The following SCN8A variants were observed in gnomAD, a reference collection of about 807,000 sequenced individuals.
SCN8A encodes sodium channel protein type 8 subunit alpha.
Under a neutral mutation model 184.1 loss-of-function variants are expected in SCN8A, and 30 were observed. That is an observed-to-expected ratio of 0.16 (90% CI 0.12 to 0.22). SCN8A has a LOEUF of 0.22. Ranked by LOEUF, SCN8A falls within the 10% of genes least tolerant of loss-of-function variation. SCN8A has a pLI of 1.00. For missense variants in SCN8A, 1,057 were observed against 2,498.9 expected, an observed-to-expected ratio of 0.42 and a Z score of 12.30; for synonymous variants, 852 against 907.0, an observed-to-expected ratio of 0.94 and a Z score of 1.09.
intron 21 of SCN8A, among the ~76,000 whole-genome samples, chr12:51,782,076 A>T (rs188575325): frequency 1.3e-5 from 2 of 152,308 alleles, no homozygotes; most frequent in Admixed American, 1.3e-4. Flanking sequence ...TTTGCAACAA[A>T]TTCATGTTTC....
At chr12:51,605,798 A>G (rs922341714) in intron 1 of SCN8A, among the ~76,000 whole-genome samples, 1 of 152,146 alleles carries the variant, frequency 6.6e-6, no homozygotes, top group Non-Finnish European at 1.5e-5. Context: ...TTTCAGGAGT[A>G]AGGTGGTATT....
intron 1 of SCN8A, among the ~76,000 whole-genome samples, chr12:51,647,864 G>T (rs1411347105): frequency 1.3e-5 from 2 of 152,152 alleles, no homozygotes; most frequent in Non-Finnish European, 2.9e-5. Flanking sequence ...CTTCCTCCCA[G>T]TGCAGAGCTG....
rs1454842078 is a variant in SCN8A at position 51,713,134 on chromosome 12, A to G, written c.1635+6419A>G. 69 of 1,208,060 alleles carry G rather than the reference A, an allele frequency of 5.7e-5. 1 individual carries two copies. Among genetic ancestry groups the G allele is most frequent in the Admixed American group, 5.2e-4 (31 of 59,516 alleles). The allele number at this position is 1,208,060 out of a possible 1,614,324, so 74.8% of individuals were successfully genotyped here. On this transcript the variant is annotated intron_variant, in intron 11 of 26. Transcript: ENST00000627620. Reference sequence around the variant, plus strand: ...CTTTTTTCCACTCTGCCTCTCTTGCATAACTTCTATGGTTTCAATCTTGCC... The same window carrying G: ...CTTTTTTCCACTCTGCCTCTCTTGCGTAACTTCTATGGTTTCAATCTTGCC...
rs172559 is a variant in SCN8A, at chr12:51,810,462, T to C, written c.*3033T>C. On this transcript the variant is annotated 3_prime_UTR_variant, in exon 27 of 27. Coordinates refer to ENST00000627620, the MANE Select transcript of SCN8A (RefSeq NM_001330260.2). The stretch of plus-strand genomic sequence containing the variant: ...TCTTCGCTGAGTGGGTAAGTGGCAA[T>C]GCTTTGCCAAATATTAACGAAGCCA... 380,879 of 448,856 alleles carry C rather than the reference T, an allele frequency of 0.85. 162,886 individuals carry two copies. The highest frequency in any genetic ancestry group is 0.98 in the East Asian group (13,366 of 13,672). The allele number at this position is 448,856 out of a possible 1,614,324, so 27.8% of individuals were successfully genotyped here. A position where few individuals can be genotyped will look rare whatever the true frequency, so the allele number is the denominator to read the frequency against.
At chr12:51,727,798 A>G (rs774141738) in intron 12 of SCN8A, among the ~76,000 whole-genome samples, 4 of 152,146 alleles carry the variant, frequency 2.6e-5, no homozygotes, top group Non-Finnish European at 5.9e-5. Flanking sequence ...CCCTGTCTCT[A>G]CTAAAATACA....
chr12:51,766,860 C>T (rs1016482432), intron 16 of SCN8A, among the ~76,000 whole-genome samples: 3 of 152,164 alleles, frequency 2.0e-5, no homozygotes, highest in African/African-American at 4.8e-5. Context: ...CAAAAGTACA[C>T]TAAAGTTTGA....
At position 51,606,912 on chromosome 12, in the gene SCN8A, T is replaced by A. The variant is rs1401096825; in HGVS notation, c.-55+15553T>A. Among the ~76,000 whole-genome samples the A allele has an allele frequency of 2.0e-5, 3 of 151,814 alleles. No homozygotes were observed. The East Asian group carries it at 5.8e-4, about 29-fold the overall frequency. ...TATATATTTATTTATTTATTTTTTT[T>A]TTTGAGACAGAGTCTTGCTCTGTCG... On this transcript the variant is annotated intron_variant, in intron 1 of 26. Coordinates refer to ENST00000627620, the MANE Select transcript of SCN8A (RefSeq NM_001330260.2).
At chr12:51,689,253 C>A in intron 6 of SCN8A, 157 bp downstream of exon 6, 1 of 639,986 alleles carries the variant, frequency 1.6e-6, no homozygotes, top group Non-Finnish European at 2.7e-6. Context: ...GCCGTTGGGT[C>A]CTCAGGCAGT....
chr12:51,657,624 A>G (rs947933236), intron 1 of SCN8A, among the ~76,000 whole-genome samples: 1 of 151,962 alleles, frequency 6.6e-6, no homozygotes, highest in African/African-American at 2.4e-5. Context: ...GAAGCTTTTT[A>G]GTTTGATATA....
chr12:51,782,849 C>A (rs1937965676), intron 21 of SCN8A, among the ~76,000 whole-genome samples: 1 of 152,198 alleles, frequency 6.6e-6, no homozygotes, highest in African/African-American at 2.4e-5. Flanking sequence ...TTCCAGTCCC[C>A]TAAAAACTTT....
intron 19 of SCN8A, among the ~76,000 whole-genome samples, chr12:51,773,283 C>T (rs1942957680): frequency 6.6e-6 from 1 of 152,208 alleles, no homozygotes; most frequent in South Asian, 2.1e-4. Context: ...TTGTCCTATG[C>T]TTTAGCAATT....
At chr12:51,603,008 A>AT (rs953390690) in intron 1 of SCN8A, among the ~76,000 whole-genome samples, 3 of 151,800 alleles carry the variant, frequency 2.0e-5, no homozygotes, top group Non-Finnish European at 2.9e-5. Context: ...CTTTTGTTTT[A>AT]TTTTTTCTTA....
intron 2 of SCN8A, among the ~76,000 whole-genome samples, chr12:51,682,400 G>C (rs901153442): frequency 6.6e-6 from 1 of 152,128 alleles, no homozygotes; most frequent in Non-Finnish European, 1.5e-5. Flanking sequence ...TAAACATTTG[G>C]TAGAATTCAT....
At chr12:51,626,586 T>C (rs1003472219) in intron 1 of SCN8A, among the ~76,000 whole-genome samples, 4 of 152,182 alleles carry the variant, frequency 2.6e-5, no homozygotes, top group African/African-American at 9.7e-5. Flanking sequence ...ATATCTACCA[T>C]GCACCAGGAA....
chr12:51,654,344 G>A (rs568114136), intron 1 of SCN8A, among the ~76,000 whole-genome samples: 22 of 152,164 alleles, frequency 1.4e-4, no homozygotes, highest in African/African-American at 5.1e-4. Flanking sequence ...TTAGGTCTTT[G>A]ATCCATTTTG....
intron 16 of SCN8A, 51 bp from the exon 17 acceptor site, chr12:51,768,814 G>A (rs1345196787): frequency 4.1e-6 from 6 of 1,465,250 alleles, no homozygotes; most frequent in Admixed American, 2.4e-5. Flanking sequence ...CCCTGAGTTC[G>A]ATGGATAACT....
At chr12:51,768,292 T>C (rs551689983) in intron 16 of SCN8A, 1 of 152,320 alleles carries the variant, frequency 6.6e-6, no homozygotes, top group African/African-American at 2.4e-5. Flanking sequence ...TGCAAAAAAA[T>C]ATAAAAGTCA....
At chr12:51,649,736 C>T (rs1940668911) in intron 1 of SCN8A, among the ~76,000 whole-genome samples, 1 of 152,206 alleles carries the variant, frequency 6.6e-6, no homozygotes, top group African/African-American at 2.4e-5. Flanking sequence ...TTCTCCTAGG[C>T]CTCTGGGCCT....
chr12:51,772,134 C>T (rs140397551), intron 19 of SCN8A, among the ~76,000 whole-genome samples: 5 of 152,320 alleles, frequency 3.3e-5, no homozygotes, highest in South Asian at 2.1e-4. Context: ...CAGTGGCTCA[C>T]GCCTTAATCC....
Sources: allele counts gnomAD v4.1 joint callset (sites outside exome capture counted in the v4.1 genomes callset), GRCh38; gene constraint gnomAD v4.1.1; transcripts MANE v1.5; gene names NCBI Gene and HGNC (gene_info 2026-07-23, HGNC 2026-07-21).